KDM6A: variants seen among roughly 807,000 people sequenced by gnomAD.
KDM6A encodes the protein lysine demethylase 6A, also known as lysine-specific demethylase 6A.
A neutral mutation model predicts 117.6 loss-of-function variants in KDM6A; 11 were observed. The ratio of observed to expected loss-of-function variants is 0.09; its 90% CI spans 0.06 to 0.15. The LOEUF (loss-of-function observed/expected upper bound fraction) is 0.15, where lower values mean the gene tolerates loss of function less well. Ranked by LOEUF, KDM6A falls within the 10% of genes least tolerant of loss-of-function variation. The probability of loss-of-function intolerance (pLI) is 1.00; values close to 1 mark genes in which losing one functional copy is unlikely to be tolerated. For synonymous variants in KDM6A, 384 were observed against 396.1 expected (o/e 0.97, Z 0.36); for missense variants, 799 against 1,077.3 (o/e 0.74, Z 3.62).
chrX:45,011,291 T>G (rs2041746890), intron 5 of KDM6A, among the ~76,000 whole-genome samples: 1 of 111,720 alleles, frequency 9.0e-6, no homozygotes, highest in Non-Finnish European at 1.9e-5. Context: ...TTGGAATTTC[T>G]TAGTCATTCA....
intron 21 of KDM6A, among the ~76,000 whole-genome samples, chrX:45,080,672 T>C (rs1038215845): frequency 1.8e-5 from 2 of 112,137 alleles, no homozygotes; most frequent in African/African-American, 6.5e-5. Context: ...CCGCTCCCTA[T>C]ATATTACAAA....
In KDM6A at chrX:44,951,922, G is replaced by T. The variant is rs745447767; in HGVS notation, c.226-9362G>T. On this transcript the variant is annotated intron_variant, in intron 2 of 29. Coordinates refer to ENST00000611820, the MANE Select transcript of KDM6A (RefSeq NM_001291415.2). ...TGAAGTAGGGTTAATTACTGTAATAGACCCCATTTCATAGTAATTGTGAGG... is the reference window on the plus strand; with the variant it reads ...TGAAGTAGGGTTAATTACTGTAATATACCCCATTTCATAGTAATTGTGAGG... Among the ~76,000 whole-genome samples the T allele has an allele frequency of 4.5e-5, 5 of 111,653 alleles. No individual in the cohort carries two copies. In the East Asian group the frequency reaches 1.4e-3, roughly 31 times the overall value.
chrX:45,041,270 C>T (rs1242029654), intron 8 of KDM6A, among the ~76,000 whole-genome samples: 2 of 87,657 alleles, frequency 2.3e-5, no homozygotes, highest in African/African-American at 9.2e-5. Context: ...CGCCCCTCAC[C>T]TCCCGGACTG....
At chrX:44,911,470 G>T (rs777671274) in intron 2 of KDM6A, among the ~76,000 whole-genome samples, 91 of 110,782 alleles carry the variant, frequency 8.2e-4, no homozygotes, top group African/African-American at 2.9e-3. Context: ...CAGACGATGG[G>T]CGGCCAGGCA....
chrX:44,929,243 C>CTT (rs72030337), intron 2 of KDM6A, among the ~76,000 whole-genome samples: 49 of 82,844 alleles, frequency 5.9e-4, no homozygotes, highest in African/African-American at 1.5e-3. Flanking sequence ...GTCTAAGGGA[C>CTT]TTTTTTTTTT....
At chrX:45,041,500 TGGCTGCCGGAC>T (rs1569528345) in intron 8 of KDM6A, among the ~76,000 whole-genome samples, 4 of 97,802 alleles carry the variant, frequency 4.1e-5, no homozygotes, top group African/African-American at 1.6e-4. Context: ...CCAGACGGGG[TGGCTGCCGGAC>T]GGAGGGGCTC....
At chrX:44,896,159 C>T (rs999978652) in intron 2 of KDM6A, among the ~76,000 whole-genome samples, 6 of 108,358 alleles carry the variant, frequency 5.5e-5, no homozygotes, top group Non-Finnish European at 1.1e-4. Context: ...CTGCAAGCTC[C>T]GCCTCCTGGG....
intron 10 of KDM6A, among the ~76,000 whole-genome samples, chrX:45,058,075 TCCC>T (rs554495782): frequency 1.1e-4 from 4 of 38,000 alleles, no homozygotes; most frequent in African/African-American, 4.3e-4. Flanking sequence ...ACTCTTACTC[TCCC>T]CCCCCCCCCT....
intron 8 of KDM6A, among the ~76,000 whole-genome samples, chrX:45,048,159 C>CAA (rs571121737): frequency 0.098 from 3,367 of 34,184 alleles, 324 homozygotes; most frequent in African/African-American, 0.25. Context: ...AAGTGCGTCT[C>CAA]AAAAAAAAAA....
rs373934864 is a variant in KDM6A, at chrX:45,053,971, C to T, written c.875+16C>T. On this transcript the variant is annotated intron_variant, in intron 10 of 29. Coordinates refer to ENST00000611820, the MANE Select transcript of KDM6A (RefSeq NM_001291415.2). ...TCCTCGGAAGGTGAGACTTACCAGA[C>T]ATTTATGTTTGATTTTGTCTATTCC... 3.4e-5 allele frequency: 41 copies of T among 1,201,180 alleles called. No individual in the cohort carries two copies. In the African/African-American group the frequency reaches 7.0e-4, roughly 21 times the overall value.
At chrX:44,942,879 AC>A (rs2037415816) in intron 2 of KDM6A, among the ~76,000 whole-genome samples, 1 of 110,643 alleles carries the variant, frequency 9.0e-6, no homozygotes, top group African/African-American at 3.3e-5. Context: ...TTGTATATTC[AC>A]CTTGAATATT....
chrX:45,040,356 C>T (rs1239720273), intron 8 of KDM6A, among the ~76,000 whole-genome samples: 4 of 92,049 alleles, frequency 4.3e-5, no homozygotes, highest in African/African-American at 1.6e-4. Context: ...CGGGCAGAGG[C>T]CCCCCTCACC....
At chrX:44,963,269 C>T (rs1277078600) in intron 3 of KDM6A, among the ~76,000 whole-genome samples, 1 of 109,602 alleles carries the variant, frequency 9.1e-6, no homozygotes, top group Non-Finnish European at 1.9e-5. Flanking sequence ...CAAGACCAGC[C>T]TGGACAACAT....
chrX:44,916,222 GATGCCCTTTTTCCC>G (rs1361315517), intron 2 of KDM6A, among the ~76,000 whole-genome samples: 2 of 110,706 alleles, frequency 1.8e-5, no homozygotes, highest in African/African-American at 6.6e-5. Flanking sequence ...TGTATTTTTT[GATGCCCTTTTTCCC>G]ATAAAGGACT....
chrX:45,083,412 CA>C, intron 23 of KDM6A, 47 bp from the exon 24 acceptor site: 4 of 1,150,146 alleles, frequency 3.5e-6, no homozygotes, highest in Non-Finnish European at 4.8e-6. Flanking sequence ...TAAACTTCCA[CA>C]GGTATTTGTA....
At chrX:45,100,106 A>T (rs184020220) in intron 27 of KDM6A, among the ~76,000 whole-genome samples, 4 of 111,339 alleles carry the variant, frequency 3.6e-5, no homozygotes, top group African/African-American at 1.3e-4. Flanking sequence ...ACTTTGGGTT[A>T]TATTTTATTT....
chrX:44,956,400 CTTCCTT>C (rs1229746389), intron 2 of KDM6A, among the ~76,000 whole-genome samples: 10 of 110,513 alleles, frequency 9.0e-5, no homozygotes, highest in Admixed American at 7.8e-4. Context: ...TCCTCTTCCT[CTTCCTT>C]TCCCTTTTCC....
At chrX:45,003,921 TTCTC>T (rs1292314338) in intron 4 of KDM6A, among the ~76,000 whole-genome samples, 1 of 62,700 alleles carries the variant, frequency 1.6e-5, no homozygotes, top group Non-Finnish European at 2.8e-5. Flanking sequence ...CCACCCCCGC[TTCTC>T]TCTCTCTCTT....
chrX:45,059,471 A>C lies in KDM6A; in HGVS notation c.1194+5A>C. 1 of 1,163,465 alleles carries C rather than the reference A, an allele frequency of 8.6e-7. No individual in the cohort carries two copies. The highest frequency in any genetic ancestry group is 1.8e-5 in the South Asian group (1 of 54,985). ...GCACGAATTAAGTATTTACAGGTAA[A>C]ATTTTTAAATGGCAGTTTTTTAAAG... On this transcript the variant is annotated splice_donor_5th_base_variant and intron_variant, in intron 12 of 29. Transcript: ENST00000611820.
Sources: allele counts gnomAD v4.1 joint callset (sites outside exome capture counted in the v4.1 genomes callset), GRCh38; gene constraint gnomAD v4.1.1; transcripts MANE v1.5; gene names NCBI Gene and HGNC (gene_info 2026-07-23, HGNC 2026-07-21).